Variants in COL4A4 observed in about 807,000 individuals in gnomAD.
COL4A4 encodes collagen type IV alpha 4 chain, also known as collagen alpha-4(IV) chain.
A neutral mutation model predicts 192.9 loss-of-function variants in COL4A4; 105 were observed. The observed-to-expected ratio is 0.54, with a 90% CI of 0.46 to 0.64. COL4A4 has a LOEUF of 0.64. Ranked by LOEUF, COL4A4 falls within the 30% of genes least tolerant of loss-of-function variation. The pLI, the probability that COL4A4 is intolerant of heterozygous loss-of-function variation, is 0.00. For missense variants in COL4A4, 1,967 were observed against 2,169.3 expected, an observed-to-expected ratio of 0.91 and a Z score of 1.85; for synonymous variants, 762 against 769.9, an observed-to-expected ratio of 0.99 and a Z score of 0.17.
In COL4A4 at chr2:227,101,851, T is replaced by A; in HGVS notation, c.975+14A>T. 1 of 1,555,290 alleles carries A rather than the reference T, an allele frequency of 6.4e-7. No individual in the cohort carries two copies. Among genetic ancestry groups the A allele is most frequent in the Non-Finnish European group, 8.8e-7 (1 of 1,134,942 alleles). ...TGAAATGTATTTATTATCTCTATAA[T>A]GAGGTACATTTACCTTTAATCCTGG... On this transcript the variant is annotated intron_variant, in intron 16 of 47. Transcript: ENST00000396625.
chr2:227,012,174 ACT>A lies in COL4A4; in HGVS notation c.4333+5_4333+6del, dbSNP rs751340859. Reference sequence around the variant, plus strand: ...GTCAGAGAAAAGAGGAGTGACTGAAACTCTACCTGGTCCTCCAGGGTAGCCGT... The same window carrying A: ...GTCAGAGAAAAGAGGAGTGACTGAAACTACCTGGTCCTCCAGGGTAGCCGT... On this transcript the variant is annotated splice_donor_5th_base_variant and intron_variant, in intron 45 of 47. Coordinates refer to ENST00000396625, the MANE Select transcript of COL4A4 (RefSeq NM_000092.5). The A allele has an allele frequency of 1.5e-5, 24 of 1,603,020 alleles. No homozygotes were observed. Among genetic ancestry groups the A allele is most frequent in the Non-Finnish European group, 2.1e-5 (24 of 1,170,140 alleles).
At chr2:227,110,940 A>G (rs201942562) in intron 9 of COL4A4, among the ~76,000 whole-genome samples, 2 of 151,982 alleles carry the variant, frequency 1.3e-5, no homozygotes, top group Admixed American at 6.6e-5. Context: ...TTGGCCTCCC[A>G]AAGTGCTGGG....
intron 3 of COL4A4, among the ~76,000 whole-genome samples, chr2:227,142,932 C>T (rs548782684): frequency 1.4e-4 from 21 of 152,112 alleles, no homozygotes; most frequent in African/African-American, 4.6e-4. Context: ...AAGTTCCCTC[C>T]TATACAGGAT....
intron 25 of COL4A4, among the ~76,000 whole-genome samples, chr2:227,063,215 C>G (rs1576242575): frequency 6.6e-6 from 1 of 152,074 alleles, no homozygotes; most frequent in African/African-American, 2.4e-5. Flanking sequence ...AGTTAATAAG[C>G]AGTTGAGGGT....
intron 5 of COL4A4, 79 bp downstream of exon 5, chr2:227,120,935 T>TA (rs903171501): frequency 5.5e-5 from 86 of 1,569,396 alleles, no homozygotes; most frequent in Middle Eastern, 3.4e-4. Flanking sequence ...TAAGACTGTC[T>TA]AAAAAAAACA....
intron 19 of COL4A4, among the ~76,000 whole-genome samples, chr2:227,098,324 GA>G (rs549364140): frequency 1.4e-3 from 210 of 152,110 alleles, no homozygotes; most frequent in African/African-American, 4.9e-3. Context: ...ATCTGCATGC[GA>G]TAACTTTGTG....
At chr2:227,138,133 A>AAATATT (rs2062939442) in intron 4 of COL4A4, among the ~76,000 whole-genome samples, 1 of 147,118 alleles carries the variant, frequency 6.8e-6, no homozygotes, top group African/African-American at 2.5e-5. Context: ...CCACCTCTAC[A>AAATATT]AATAATAATA....
At chr2:227,133,999 A>G (rs1461051769) in intron 4 of COL4A4, among the ~76,000 whole-genome samples, 1 of 152,198 alleles carries the variant, frequency 6.6e-6, no homozygotes, top group Non-Finnish European at 1.5e-5. Flanking sequence ...CAAGTTTTTT[A>G]TTCTTCAGAA....
chr2:227,132,146 C>T (rs1329115104), intron 4 of COL4A4, among the ~76,000 whole-genome samples: 1 of 152,174 alleles, frequency 6.6e-6, no homozygotes, highest in African/African-American at 2.4e-5. Context: ...GCTCCCTGTG[C>T]CCTGACCCCG....
intron 19 of COL4A4, among the ~76,000 whole-genome samples, chr2:227,095,439 T>C (rs1384767020): frequency 6.6e-6 from 1 of 152,180 alleles, no homozygotes; most frequent in African/African-American, 2.4e-5. Flanking sequence ...GAGGATTAAA[T>C]AAAATAATCC....
the COL4A4 span, among the ~76,000 whole-genome samples, chr2:226,983,230 C>A: frequency 6.6e-6 from 1 of 152,108 alleles, no homozygotes; most frequent in South Asian, 2.1e-4. Flanking sequence ...CTGGAATCTT[C>A]CATTAGAACC....
the COL4A4 span, chr2:226,988,444 C>T: frequency 1.3e-6 from 2 of 1,549,692 alleles, no homozygotes; most frequent in African/African-American, 1.4e-5. Flanking sequence ...CAGTTTGGAC[C>T]TAAGGAATCC....
At chr2:227,053,610 T>C (rs12476785) in intron 31 of COL4A4, among the ~76,000 whole-genome samples, 67,392 of 145,476 alleles carry the variant, frequency 0.46, 15,824 homozygotes, top group South Asian at 0.63. Flanking sequence ...TGCAGTGGCA[T>C]GATCTCTGCT....
intron 37 of COL4A4, 75 bp from the exon 38 acceptor site, chr2:227,033,556 C>T (rs892354276): frequency 7.4e-7 from 1 of 1,347,042 alleles, no homozygotes; most frequent in Non-Finnish European, 1.1e-6. Flanking sequence ...AACGCAGGCA[C>T]TGCCCAGCAG....
intron 1 of COL4A4, among the ~76,000 whole-genome samples, chr2:227,160,425 A>G (rs2064729379): frequency 1.3e-5 from 2 of 152,114 alleles, no homozygotes. Flanking sequence ...TGTCACATCT[A>G]GGAGGAAGGT....
chr2:227,118,331 C>T (rs184460560), intron 7 of COL4A4, among the ~76,000 whole-genome samples: 53 of 152,228 alleles, frequency 3.5e-4, no homozygotes, highest in African/African-American at 1.3e-3. Flanking sequence ...TTTTTCCCTA[C>T]TATCTATTCT....
chr2:226,997,161 T>G, the COL4A4 span: 1 of 152,220 alleles, frequency 6.6e-6, no homozygotes, highest in African/African-American at 2.4e-5. Flanking sequence ...CCCAGTAATA[T>G]CTGAGCTCCT....
intron 4 of COL4A4, among the ~76,000 whole-genome samples, chr2:227,129,976 CA>C (rs2062335379): frequency 6.6e-6 from 1 of 151,994 alleles, no homozygotes; most frequent in South Asian, 2.1e-4. Context: ...GTAATTCAAC[CA>C]GTCAGCCACT....
chr2:227,064,892 G>A (rs558106206), intron 25 of COL4A4, among the ~76,000 whole-genome samples: 1 of 152,212 alleles, frequency 6.6e-6, no homozygotes, highest in Non-Finnish European at 1.5e-5. Flanking sequence ...AGGGAAGATG[G>A]CCGAATAGGA....
Sources: allele counts gnomAD v4.1 joint callset (sites outside exome capture counted in the v4.1 genomes callset), GRCh38; gene constraint gnomAD v4.1.1; transcripts MANE v1.5; gene names NCBI Gene and HGNC (gene_info 2026-07-23, HGNC 2026-07-21).